Variants in NTN4 observed in about 807,000 individuals in gnomAD.
The protein encoded by NTN4 is netrin 4.
Under a neutral mutation model 73.6 loss-of-function variants are expected in NTN4, and 32 were observed. That is an observed-to-expected ratio of 0.44 (90% CI 0.33 to 0.58). The LOEUF is 0.58. NTN4 is among the 20% of genes least tolerant of loss of function. The pLI is 0.04. For synonymous variants in NTN4, 258 were observed against 287.5 expected (o/e 0.90, Z 1.04); for missense variants, 654 against 798.3 (o/e 0.82, Z 2.18).
At chr12:95,784,856 A>T (rs2121303701) in intron 2 of NTN4, among the ~76,000 whole-genome samples, 1 of 152,234 alleles carries the variant, frequency 6.6e-6, no homozygotes, top group East Asian at 1.9e-4. Context: ...AATAACTTAC[A>T]TAAATGTTAG....
chr12:95,724,290 A>G (rs1365879791), intron 3 of NTN4, among the ~76,000 whole-genome samples: 1 of 152,192 alleles, frequency 6.6e-6, no homozygotes, highest in Non-Finnish European at 1.5e-5. Context: ...ACTGTTACCA[A>G]TTATGAGATT....
At chr12:95,777,361 A>T (rs564213469) in intron 2 of NTN4, among the ~76,000 whole-genome samples, 1 of 152,348 alleles carries the variant, frequency 6.6e-6, no homozygotes, top group South Asian at 2.1e-4. Flanking sequence ...AAAGGCACAG[A>T]CTGGCAAATT....
At chr12:95,687,592 A>C (rs574667545) in intron 5 of NTN4, among the ~76,000 whole-genome samples, 1 of 151,750 alleles carries the variant, frequency 6.6e-6, no homozygotes, top group South Asian at 2.1e-4. Context: ...ATAGAGATGG[A>C]GTTTCACCAT....
At chr12:95,721,843 T>A (rs556911877) in intron 3 of NTN4, among the ~76,000 whole-genome samples, 54 of 152,358 alleles carry the variant, frequency 3.5e-4, no homozygotes, top group African/African-American at 1.3e-3. Flanking sequence ...CAAGTTCATC[T>A]GTGCCATGGC....
intron 7 of NTN4, among the ~76,000 whole-genome samples, chr12:95,680,450 C>T (rs1015191801): frequency 2.0e-5 from 3 of 152,248 alleles, no homozygotes; most frequent in African/African-American, 7.2e-5. Flanking sequence ...TATAGAAAAA[C>T]AGGTGGCCGA....
intron 5 of NTN4, among the ~76,000 whole-genome samples, chr12:95,699,608 T>G (rs2078467982): frequency 6.6e-6 from 1 of 151,264 alleles, no homozygotes; most frequent in African/African-American, 2.4e-5. Flanking sequence ...CTGAGTAGTT[T>G]TCACCTAAGC....
chr12:95,682,884 G>C (rs2120989945), intron 6 of NTN4, 62 bp from the exon 7 acceptor site: 2 of 929,094 alleles, frequency 2.2e-6, no homozygotes, highest in East Asian at 2.5e-5. Context: ...GTATAGAAAT[G>C]AATCTATAGA....
At chr12:95,745,089 C>A (rs934882427) in intron 2 of NTN4, among the ~76,000 whole-genome samples, 17 of 151,738 alleles carry the variant, frequency 1.1e-4, no homozygotes, top group African/African-American at 3.9e-4. Flanking sequence ...TTCTTTTTAC[C>A]ATTGCTTTTT....
At chr12:95,728,170 C>G (rs1252746630) in intron 3 of NTN4, among the ~76,000 whole-genome samples, 1 of 152,066 alleles carries the variant, frequency 6.6e-6, no homozygotes, top group Non-Finnish European at 1.5e-5. Flanking sequence ...TGTTTATCAG[C>G]TGTAATAGTT....
intron 3 of NTN4, among the ~76,000 whole-genome samples, chr12:95,737,423 T>C (rs1410289083): frequency 6.6e-6 from 1 of 152,140 alleles, no homozygotes; most frequent in African/African-American, 2.4e-5. Context: ...GTCCTCTTCA[T>C]GGAGGAGAAT....
chr12:95,762,418 A>G (rs965865891), intron 2 of NTN4, among the ~76,000 whole-genome samples: 1 of 152,216 alleles, frequency 6.6e-6, no homozygotes, highest in Non-Finnish European at 1.5e-5. Context: ...TATTAATCAC[A>G]TCATGAAAGG....
At position 95,738,124 on chromosome 12, in the gene NTN4, T is replaced by C; in HGVS notation, c.606A>G (p.Ser202=). The C allele has an allele frequency of 6.2e-7, 1 of 1,613,118 alleles. No individual in the cohort carries two copies. Among genetic ancestry groups the C allele is most frequent in the Non-Finnish European group, 8.5e-7 (1 of 1,179,370 alleles). The change falls in exon 3 of 10, where the codon TCA becomes TCG. Residue 202 remains serine, a synonymous_variant. Coordinates refer to ENST00000343702, the MANE Select transcript of NTN4 (RefSeq NM_021229.4). ...TGGEVIFKAL[S]PPYDTENPYS... ...AAGGGTTCTCTGTATCGTATGGTGGTGACAAAGCTTTGAAAATAACCTGTA... is the reference window on the plus strand; with the variant it reads ...AAGGGTTCTCTGTATCGTATGGTGGCGACAAAGCTTTGAAAATAACCTGTA...
chr12:95,718,817 C>A (rs1206675904), intron 3 of NTN4, among the ~76,000 whole-genome samples: 1 of 152,050 alleles, frequency 6.6e-6, no homozygotes, highest in African/African-American at 2.4e-5. Context: ...TTATTTCTCT[C>A]CTTCAGCTTT....
intron 3 of NTN4, among the ~76,000 whole-genome samples, chr12:95,723,557 C>T (rs922628194): frequency 5.3e-5 from 8 of 151,954 alleles, no homozygotes; most frequent in African/African-American, 1.9e-4. Context: ...ACTCTGTTGC[C>T]CAAGCTGGAG....
At chr12:95,709,969 G>A (rs2078552143) in intron 5 of NTN4, among the ~76,000 whole-genome samples, 1 of 152,224 alleles carries the variant, frequency 6.6e-6, no homozygotes, top group Non-Finnish European at 1.5e-5. Context: ...CATTAGAGCA[G>A]TGTCAATCAA....
rs370900900 is a variant in NTN4, at chr12:95,683,552, C to T, written c.1340G>A (p.Arg447Gln). 88 of 1,614,140 alleles carry T rather than the reference C, an allele frequency of 5.5e-5. No individual in the cohort carries two copies. The Middle Eastern group carries it at 1.2e-3, about 21-fold the overall frequency. Residue 447 changes from arginine to glutamine, a missense_variant, in exon 6 of 10, where the codon CGA becomes CAA. Arg to Gln is a conservative substitution (Grantham distance 43). Coordinates refer to ENST00000343702, the MANE Select transcript of NTN4 (RefSeq NM_021229.4). ...ACAGCTCCCCGCACAGTCACATGGT[C>T]GACAGCCATAGTCTCCGAAGCCCCA... is the stretch of plus-strand genomic sequence containing the variant. ...GYWGFGDYGCRPCDCAGSCDP... is the reference protein window; with the variant it reads ...GYWGFGDYGCQPCDCAGSCDP...
At chr12:95,660,723 A>G (rs2078131154) in intron 9 of NTN4, among the ~76,000 whole-genome samples, 1 of 152,122 alleles carries the variant, frequency 6.6e-6, no homozygotes. Context: ...TTTCCAATAT[A>G]AAATAGAGGC....
chr12:95,746,792 C>A (rs2078866161), intron 2 of NTN4, among the ~76,000 whole-genome samples: 1 of 152,226 alleles, frequency 6.6e-6, no homozygotes, highest in South Asian at 2.1e-4. Flanking sequence ...GCAGACTGGA[C>A]ACCCTCTCTA....
intron 3 of NTN4, among the ~76,000 whole-genome samples, chr12:95,722,588 G>A (rs1446414168): frequency 6.6e-6 from 1 of 152,176 alleles, no homozygotes; most frequent in East Asian, 1.9e-4. Context: ...CTGTGCCACT[G>A]CAATCCAGCC....
Sources: gnomAD v4.1 joint callset for allele counts (sites outside exome capture counted in the v4.1 genomes callset) on GRCh38, gnomAD v4.1.1 for gene constraint, MANE v1.5 for transcripts, NCBI Gene and HGNC (gene_info 2026-07-23, HGNC 2026-07-21) for gene names.